Variants in PCDH11X observed in about 807,000 individuals in gnomAD.
PCDH11X encodes the protein protocadherin-11 X-linked.
A neutral mutation model predicts 53.3 loss-of-function variants in PCDH11X; 18 were observed. The ratio of observed to expected loss-of-function variants is 0.34; its 90% CI spans 0.23 to 0.50. The LOEUF is 0.50. PCDH11X is among the 20% of genes least tolerant of loss of function. The probability of loss-of-function intolerance (pLI) is 0.98; values close to 1 mark genes in which losing one functional copy is unlikely to be tolerated. For missense variants in PCDH11X, 570 were observed against 1,032.4 expected, an observed-to-expected ratio of 0.55 and a Z score of 6.14; for synonymous variants, 279 against 393.3, an observed-to-expected ratio of 0.71 and a Z score of 3.44.
At chrX:92,572,780 A>G (rs1049519015) in intron 10 of PCDH11X, among the ~76,000 whole-genome samples, 2 of 96,162 alleles carry the variant, frequency 2.1e-5, no homozygotes, top group African/African-American at 7.8e-5. Context: ...GCTACTTGGG[A>G]GGCTGAGGCA....
chrX:92,255,820 A>C (rs997168576), intron 7 of PCDH11X, among the ~76,000 whole-genome samples: 3 of 112,169 alleles, frequency 2.7e-5, no homozygotes. Context: ...TACTGGGAGA[A>C]CCACTGCTCT....
At chrX:92,525,284 C>A (rs1397526261) in intron 10 of PCDH11X, among the ~76,000 whole-genome samples, 1 of 110,852 alleles carries the variant, frequency 9.0e-6, no homozygotes, top group Non-Finnish European at 1.9e-5. Context: ...AAAAATAATT[C>A]AATGTTTTTG....
chrX:92,121,528 A>C (rs1323218263), intron 6 of PCDH11X, among the ~76,000 whole-genome samples: 1 of 111,216 alleles, frequency 9.0e-6, no homozygotes, highest in East Asian at 2.8e-4. Flanking sequence ...ATTTGTAAAC[A>C]TATTATGTTG....
chrX:92,600,958 A>G lies in PCDH11X; in HGVS notation c.3368-17306A>G, dbSNP rs754846260. Among the ~76,000 whole-genome samples the G allele has an allele frequency of 2.7e-5, 3 of 109,931 alleles. No homozygotes were observed. The South Asian group carries it at 1.2e-3, about 43-fold the overall frequency. On this transcript the variant is annotated intron_variant, in intron 10 of 10. Transcript: ENST00000682573. ...ATTTGACCACCTCACTGGATTTCAC[A>G]TTTTCATGAGGCCTGTAGTCTCTTC...
chrX:92,003,734 A>G (rs1448054532), intron 6 of PCDH11X, among the ~76,000 whole-genome samples: 3 of 102,240 alleles, frequency 2.9e-5, no homozygotes, highest in African/African-American at 1.1e-4. Flanking sequence ...TATCAATTAT[A>G]ATGCCTCCCT....
chrX:92,437,559 C>T (rs952332317), intron 9 of PCDH11X, among the ~76,000 whole-genome samples: 4 of 109,868 alleles, frequency 3.6e-5, no homozygotes, highest in Admixed American at 9.8e-5. Flanking sequence ...AGCATCTGCT[C>T]ATTAATTAAT....
rs749254500 is a variant in PCDH11X at position 91,797,590 on chromosome X, A to G, written c.-378-11876A>G. 5.4e-5 allele frequency among the ~76,000 whole-genome samples: 6 copies of G among 111,101 alleles called. No individual in the cohort carries two copies. In the Admixed American group the frequency reaches 5.8e-4, roughly 11 times the overall value. On this transcript the variant is annotated intron_variant, in intron 1 of 10. Coordinates refer to ENST00000682573, the MANE Select transcript of PCDH11X (RefSeq NM_032968.5). The stretch of plus-strand genomic sequence containing the variant: ...TAAATAACTAAATAACATTTGTTTG[A>G]ACCGTAAAGGGAGAATTGAGTTTAT...
chrX:92,412,436 G>C (rs1458500584), intron 9 of PCDH11X, among the ~76,000 whole-genome samples: 1 of 98,564 alleles, frequency 1.0e-5, no homozygotes, highest in African/African-American at 3.9e-5. Context: ...GTGCTACACT[G>C]TCACAGGGGG....
intron 7 of PCDH11X, among the ~76,000 whole-genome samples, chrX:92,208,392 T>A (rs1242799005): frequency 3.0e-5 from 3 of 99,616 alleles, no homozygotes; most frequent in African/African-American, 7.3e-5. Flanking sequence ...TGCTAGTAAG[T>A]ACCAAAGACA....
chrX:92,395,767 G>A (rs1176669268), intron 9 of PCDH11X, among the ~76,000 whole-genome samples: 1 of 110,947 alleles, frequency 9.0e-6, no homozygotes, highest in Non-Finnish European at 1.9e-5. Flanking sequence ...AAGTTTTGAT[G>A]TGTATCGTTT....
chrX:92,301,736 T>TTTTTTTTTTTTTTTTTTTTTGAGACG (rs2068727982), intron 8 of PCDH11X, among the ~76,000 whole-genome samples: 1 of 110,220 alleles, frequency 9.1e-6, no homozygotes, highest in African/African-American at 3.4e-5. Context: ...TTCCTTTTCT[T>TTTTTTTTTTTTTTTTTTTTTGAGACG]GTGTTGTCTT....
chrX:92,592,467 C>G (rs745940944), intron 10 of PCDH11X, among the ~76,000 whole-genome samples: 1 of 110,218 alleles, frequency 9.1e-6, no homozygotes, highest in East Asian at 2.9e-4. Flanking sequence ...CGCACTGGCT[C>G]ACGCCTGTAA....
chrX:92,483,135 G>C (rs753822775), intron 10 of PCDH11X, among the ~76,000 whole-genome samples: 1 of 111,906 alleles, frequency 8.9e-6, no homozygotes, highest in African/African-American at 3.2e-5. Context: ...AAGACATACA[G>C]CTAAACTCAA....
intron 6 of PCDH11X, among the ~76,000 whole-genome samples, chrX:92,019,015 G>A (rs962089296): frequency 9.4e-4 from 105 of 111,446 alleles, no homozygotes; most frequent in Non-Finnish European, 1.6e-3. Context: ...ACACAACCAG[G>A]TGGAACAGCT....
At chrX:91,806,904 A>G (rs189516678) in intron 1 of PCDH11X, among the ~76,000 whole-genome samples, 413 of 112,268 alleles carry the variant, frequency 3.7e-3, no homozygotes, top group Non-Finnish European at 5.2e-3. Flanking sequence ...TTTTTCTATT[A>G]TAAATAATGC....
At chrX:91,990,881 C>T (rs2062311376) in intron 6 of PCDH11X, among the ~76,000 whole-genome samples, 1 of 103,723 alleles carries the variant, frequency 9.6e-6, no homozygotes, top group African/African-American at 3.6e-5. Context: ...AGGGACCTGA[C>T]TTTTCACTAA....
chrX:92,297,787 C>T (rs1392226495), intron 8 of PCDH11X, among the ~76,000 whole-genome samples: 2 of 109,962 alleles, frequency 1.8e-5, no homozygotes, highest in East Asian at 5.7e-4. Context: ...GCATGGAATG[C>T]TTTTCCATTT....
intron 5 of PCDH11X, among the ~76,000 whole-genome samples, chrX:91,864,212 G>A (rs1329664412): frequency 3.6e-5 from 4 of 110,181 alleles, no homozygotes; most frequent in Non-Finnish European, 7.6e-5. Context: ...TTTTGTCTGG[G>A]GAAATATTTA....
At chrX:92,066,060 C>T (rs1253596472) in intron 6 of PCDH11X, among the ~76,000 whole-genome samples, 1 of 105,803 alleles carries the variant, frequency 9.5e-6, no homozygotes, top group Non-Finnish European at 1.9e-5. Flanking sequence ...AAGTTTCATT[C>T]TTCTGACTAC....
Sources: allele counts gnomAD v4.1 joint callset (sites outside exome capture counted in the v4.1 genomes callset), GRCh38; gene constraint gnomAD v4.1.1; transcripts MANE v1.5; gene names NCBI Gene and HGNC (gene_info 2026-07-23, HGNC 2026-07-21).